LINGO2: variants seen among roughly 807,000 people sequenced by gnomAD.
LINGO2 encodes the protein leucine rich repeat and Ig domain containing 2.
In LINGO2, 14 loss-of-function variants were observed where a neutral mutation model predicts 30.6. That is an observed-to-expected ratio of 0.46 (90% CI 0.30 to 0.72). The LOEUF (loss-of-function observed/expected upper bound fraction) is 0.72, where lower values mean the gene tolerates loss of function less well. LINGO2 is among the 30% of genes least tolerant of loss of function. The probability of loss-of-function intolerance (pLI) is 0.07; values close to 1 mark genes in which losing one functional copy is unlikely to be tolerated. For missense variants in LINGO2, 729 were observed against 751.7 expected, an observed-to-expected ratio of 0.97 and a Z score of 0.35; for synonymous variants, 317 against 288.5, an observed-to-expected ratio of 1.10 and a Z score of -1.00.
intron 1 of LINGO2, among the ~76,000 whole-genome samples, chr9:28,667,381 G>C (rs1411712058): frequency 6.6e-6 from 1 of 152,018 alleles, no homozygotes; most frequent in African/African-American, 2.4e-5. Context: ...CATTTACAGA[G>C]AGTCACCATC....
chr9:28,608,609 T>C (rs1825789026), intron 1 of LINGO2, among the ~76,000 whole-genome samples: 1 of 151,956 alleles, frequency 6.6e-6, no homozygotes, highest in African/African-American at 2.4e-5. Context: ...AAATTTTCAA[T>C]ATCTTGGTGA....
Position 28,552,943 on chromosome 9 carries a change from T to C in LINGO2, c.-364-76918A>G, listed in dbSNP as rs541266042. Among the ~76,000 whole-genome samples the C allele has an allele frequency of 4.6e-5, 7 of 152,120 alleles. No homozygotes were observed. The South Asian group carries it at 1.5e-3, about 32-fold the overall frequency. Reference sequence around the variant, plus strand: ...GATGAAGAACCTTTTCTCACATCTTTGAGGATATTAATCCCAGATATTTTG... The same window carrying C: ...GATGAAGAACCTTTTCTCACATCTTCGAGGATATTAATCCCAGATATTTTG... On this transcript the variant is annotated intron_variant, in intron 1 of 5. Transcript: ENST00000379992.
At chr9:28,875,074 C>A in the LINGO2 span, among the ~76,000 whole-genome samples, 1 of 152,104 alleles carries the variant, frequency 6.6e-6, no homozygotes, top group African/African-American at 2.4e-5. Flanking sequence ...TTGAAAAACA[C>A]AAGTAGAAAT....
intron 4 of LINGO2, among the ~76,000 whole-genome samples, chr9:28,108,864 C>T (rs150967833): frequency 6.6e-6 from 1 of 152,050 alleles, no homozygotes; most frequent in Non-Finnish European, 1.5e-5. Flanking sequence ...TAACAATGTG[C>T]TGAATTTCAT....
chr9:28,791,609 T>C, the LINGO2 span, among the ~76,000 whole-genome samples: 1 of 152,016 alleles, frequency 6.6e-6, no homozygotes, highest in African/African-American at 2.4e-5. Flanking sequence ...AAGATAAGAA[T>C]TGGACCAGAT....
chr9:28,785,456 T>C, the LINGO2 span, among the ~76,000 whole-genome samples: 1 of 152,184 alleles, frequency 6.6e-6, no homozygotes, highest in South Asian at 2.1e-4. Flanking sequence ...CTCTATAATA[T>C]CACACTATAC....
At chr9:29,040,776 T>C in the LINGO2 span, among the ~76,000 whole-genome samples, 1 of 152,000 alleles carries the variant, frequency 6.6e-6, no homozygotes, top group Non-Finnish European at 1.5e-5. Flanking sequence ...AATATTCATA[T>C]CCAAGAGCAG....
the LINGO2 span, among the ~76,000 whole-genome samples, chr9:29,142,745 T>C: frequency 6.6e-5 from 10 of 152,078 alleles, no homozygotes; most frequent in Non-Finnish European, 8.8e-5. Context: ...AGGGCAAGAA[T>C]GTCCCCTCAC....
intron 4 of LINGO2, among the ~76,000 whole-genome samples, chr9:28,244,709 G>A (rs566500000): frequency 1.3e-4 from 20 of 151,942 alleles, no homozygotes; most frequent in South Asian, 6.3e-4. Flanking sequence ...TAAAAGAAAT[G>A]GATGAATTCC....
intron 1 of LINGO2, among the ~76,000 whole-genome samples, chr9:28,619,181 ATG>A (rs1205180092): frequency 6.6e-6 from 1 of 152,156 alleles, no homozygotes; most frequent in Non-Finnish European, 1.5e-5. Flanking sequence ...TGAATGAATG[ATG>A]TTCAGCATTT....
intron 1 of LINGO2, among the ~76,000 whole-genome samples, chr9:28,507,240 T>TGTGTGC (rs5897306): frequency 0.28 from 42,431 of 149,704 alleles, 6,735 homozygotes; most frequent in Middle Eastern, 0.43. Context: ...TGTGTGTGCG[T>TGTGTGC]GCGTGCGCAC....
chr9:28,925,742 A>G, the LINGO2 span, among the ~76,000 whole-genome samples: 2 of 152,138 alleles, frequency 1.3e-5, no homozygotes, highest in Non-Finnish European at 2.9e-5. Flanking sequence ...TAACTTTTGA[A>G]CTTTGTAAGG....
chr9:28,560,030 C>T (rs1405445166), intron 1 of LINGO2, among the ~76,000 whole-genome samples: 1 of 150,434 alleles, frequency 6.6e-6, no homozygotes, highest in Non-Finnish European at 1.5e-5. Context: ...TCAAAGCTGC[C>T]TTTGGTCTTC....
At chr9:28,970,563 G>C in the LINGO2 span, among the ~76,000 whole-genome samples, 2 of 152,128 alleles carry the variant, frequency 1.3e-5, no homozygotes, top group African/African-American at 4.8e-5. Context: ...GAGTGTTTCA[G>C]TGTGCTGAGG....
chr9:28,790,325 CTTTTTTTT>C, the LINGO2 span, among the ~76,000 whole-genome samples: 5 of 106,270 alleles, frequency 4.7e-5, no homozygotes, highest in East Asian at 2.8e-4. Flanking sequence ...TCTTTTCTTT[CTTTTTTTT>C]TTTTTTTTTT....
At chr9:29,074,186 T>A in the LINGO2 span, among the ~76,000 whole-genome samples, 1 of 152,170 alleles carries the variant, frequency 6.6e-6, no homozygotes, top group East Asian at 1.9e-4. Flanking sequence ...CTAGCAGTCT[T>A]AAAACAGAAT....
exon 6 of LINGO2, chr9:27,948,787 T>C (rs1321673155): frequency 5.3e-6 from 8 of 1,510,094 alleles, no homozygotes; most frequent in Non-Finnish European, 7.1e-6. Context: ...AGTAATTTAC[T>C]GTGCCATACT....
intron 1 of LINGO2, among the ~76,000 whole-genome samples, chr9:28,590,052 G>T (rs529193194): frequency 6.6e-6 from 1 of 152,172 alleles, no homozygotes; most frequent in Admixed American, 6.5e-5. Context: ...CAAGCAATGG[G>T]GAAAGGAATC....
At chr9:28,981,793 G>A in the LINGO2 span, among the ~76,000 whole-genome samples, 3 of 152,136 alleles carry the variant, frequency 2.0e-5, no homozygotes, top group South Asian at 6.2e-4. Context: ...GGGAACATCA[G>A]GGACAGATGG....
Sources: gnomAD v4.1 joint callset for allele counts (sites outside exome capture counted in the v4.1 genomes callset) on GRCh38, gnomAD v4.1.1 for gene constraint, MANE v1.5 for transcripts, NCBI Gene and HGNC (gene_info 2026-07-23, HGNC 2026-07-21) for gene names.